COQ3: variants seen among roughly 807,000 people sequenced by gnomAD.
COQ3 encodes coenzyme Q3, methyltransferase, also known as ubiquinone biosynthesis O-methyltransferase, mitochondrial.
Under a neutral mutation model 33.1 loss-of-function variants are expected in COQ3, and 29 were observed. The ratio of observed to expected loss-of-function variants is 0.88; its 90% CI spans 0.65 to 1.19. COQ3 has a LOEUF of 1.19. Ranked by LOEUF, COQ3 falls within the 50% of genes most tolerant of loss-of-function variation. The pLI, the probability that COQ3 is intolerant of heterozygous loss-of-function variation, is 0.00. For missense variants in COQ3, 437 were observed against 430.7 expected, an observed-to-expected ratio of 1.01 and a Z score of -0.13; for synonymous variants, 173 against 157.8, an observed-to-expected ratio of 1.10 and a Z score of -0.72.
intron 1 of COQ3, among the ~76,000 whole-genome samples, chr6:99,384,572 C>A (rs1356327026): frequency 1.3e-5 from 2 of 152,100 alleles, no homozygotes; most frequent in African/African-American, 4.8e-5. Context: ...ATGCTCAATA[C>A]CCTTTACAGA....
At chr6:99,375,789 A>G (rs1774264424) in intron 5 of COQ3, 151 bp downstream of exon 5, 1 of 722,506 alleles carries the variant, frequency 1.4e-6, no homozygotes, top group Non-Finnish European at 2.3e-6. Flanking sequence ...TCTACAGCAG[A>G]GATGCTGTCC....
intron 3 of COQ3, among the ~76,000 whole-genome samples, chr6:99,378,210 T>C (rs1445401475): frequency 1.4e-5 from 2 of 145,098 alleles, no homozygotes; most frequent in African/African-American, 5.0e-5. Flanking sequence ...ATTATACTTA[T>C]ATTAAAATAA....
chr6:99,380,398 C>T (rs1774438606), intron 2 of COQ3, 57 bp from the exon 3 acceptor site: 2 of 1,530,838 alleles, frequency 1.3e-6, no homozygotes, highest in Non-Finnish European at 1.8e-6. Context: ...AAATGTTTAA[C>T]ATGGGATATT....
intron 6 of COQ3, 131 bp from the exon 7 acceptor site, chr6:99,369,951 A>G: frequency 1.6e-6 from 1 of 633,166 alleles, no homozygotes; most frequent in Non-Finnish European, 2.7e-6. Flanking sequence ...AAGAAAAAAA[A>G]AGGATTCCTA....
intron 1 of COQ3, among the ~76,000 whole-genome samples, chr6:99,388,445 G>T (rs2128473582): frequency 6.6e-6 from 1 of 150,614 alleles, no homozygotes; most frequent in South Asian, 2.1e-4. Context: ...ATAGTAAAAA[G>T]ATCAGTTCTC....
At chr6:99,372,418 G>A (rs1441435563) in intron 5 of COQ3, among the ~76,000 whole-genome samples, 3 of 151,906 alleles carry the variant, frequency 2.0e-5, no homozygotes, top group African/African-American at 7.2e-5. Context: ...GGACTATTCA[G>A]TGTGCCAGTT....
Position 99,376,193 on chromosome 6 carries a change from TA to T in COQ3, c.487-12del. On this transcript the variant is annotated splice_polypyrimidine_tract_variant and intron_variant, in intron 4 of 6. Transcript: ENST00000254759. ...AAGCCGCCCTAGAGGCTAATGGCAT[TA>T]AAAAAACTGTTACCCTCAGGAAGAA... is the stretch of plus-strand genomic sequence containing the variant. 1.2e-6 allele frequency: 2 copies of T among 1,608,476 alleles called. No homozygotes were observed. The highest frequency in any genetic ancestry group is 1.3e-5 in the African/African-American group (1 of 74,540).
rs146500620 is a variant in COQ3 at position 99,370,641 on chromosome 6, G to A, written c.889+787C>T. Among the ~76,000 whole-genome samples, 122 of 152,102 alleles carry A rather than the reference G, an allele frequency of 8.0e-4. 1 individual carries two copies. The highest frequency in any genetic ancestry group is 2.6e-3 in the Admixed American group (39 of 15,256). ...TGGGATTAGAGGCATGAGCCACTGC[G>A]TGCAGCCTTACTTTATTTTCAACAA... On this transcript the variant is annotated intron_variant, in intron 6 of 6. Transcript: ENST00000254759.
chr6:99,377,579 C>A, intron 3 of COQ3, 94 bp from the exon 4 acceptor site: 1 of 664,534 alleles, frequency 1.5e-6, no homozygotes, highest in South Asian at 2.4e-5. Flanking sequence ...ATATTAACCT[C>A]CATTTAAATA....
intron 6 of COQ3, among the ~76,000 whole-genome samples, chr6:99,370,682 T>A (rs917652935): frequency 1.3e-5 from 2 of 152,024 alleles, no homozygotes; most frequent in Admixed American, 1.3e-4. Context: ...CTCATAGAAA[T>A]CTTTAGAATT....
At position 99,394,188 on chromosome 6, in the gene COQ3, A is replaced by G. The variant is rs1196388178; in HGVS notation, c.-9T>C. 6.4e-7 allele frequency: 1 copy of G among 1,560,960 alleles called. No homozygotes were observed. The highest frequency in any genetic ancestry group is 8.7e-7 in the Non-Finnish European group (1 of 1,151,748). ...TTACGGCCACTCCACATCGCGACAA[A>G]CGATCCCACCTCTTTTCCGGTCCCT... On this transcript the variant is annotated 5_prime_UTR_variant, in exon 1 of 7. Coordinates refer to ENST00000254759, the MANE Select transcript of COQ3 (RefSeq NM_017421.4).
intron 1 of COQ3, among the ~76,000 whole-genome samples, chr6:99,385,893 C>G (rs894022391): frequency 5.4e-5 from 8 of 148,820 alleles, no homozygotes; most frequent in African/African-American, 2.0e-4. Context: ...AGAAGAATCG[C>G]TTGAACCTGG....
At chr6:99,386,749 G>A (rs1190289756) in intron 1 of COQ3, among the ~76,000 whole-genome samples, 1 of 152,008 alleles carries the variant, frequency 6.6e-6, no homozygotes, top group Non-Finnish European at 1.5e-5. Context: ...TTCATATAGA[G>A]AGCCTGAATA....
rs1774383835 is a variant in COQ3, at chr6:99,378,945, TTTC to T, written c.386+1241_386+1243del. 3.2e-5 allele frequency among the ~76,000 whole-genome samples: 4 copies of T among 126,356 alleles called. No individual in the cohort carries two copies. In the South Asian group the frequency reaches 1.3e-3, roughly 40 times the overall value. 82.9% of individuals were successfully genotyped at this position (126,356 alleles called of 152,430 possible). On this transcript the variant is annotated intron_variant, in intron 3 of 6. Coordinates refer to ENST00000254759, the MANE Select transcript of COQ3 (RefSeq NM_017421.4). ...GACAGAGGAACAAATGAACAATTTC[TTTC>T]TTTTTTTTTTTTTTACATTTTGCTT...
chr6:99,371,580 C>A lies in COQ3; in HGVS notation c.737G>T (p.Gly246Val), dbSNP rs1582712917. 4 of 1,591,076 alleles carry A rather than the reference C, an allele frequency of 2.5e-6. No homozygotes were observed. The highest frequency in any genetic ancestry group is 3.4e-6 in the Non-Finnish European group (4 of 1,169,048). ...GTTGATTGTAGTAATGAATAAAGAA[C>A]CACCGGGCTAAAAGAAATGAAATTA... is the stretch of plus-strand genomic sequence containing the variant. ...QCCCQVLKPGGSLFITTINKT... is the reference protein window; with the variant it reads ...QCCCQVLKPGVSLFITTINKT... Residue 246 changes from glycine (G) to valine (V), a missense_variant, in exon 6 of 7, where the codon GGT becomes GTT. Physicochemically the swap from Gly to Val is moderately radical, Grantham distance 109. Coordinates refer to ENST00000254759, the MANE Select transcript of COQ3 (RefSeq NM_017421.4).
chr6:99,392,264 C>A (rs1774852757), intron 1 of COQ3, among the ~76,000 whole-genome samples: 1 of 152,190 alleles, frequency 6.6e-6, no homozygotes, highest in African/African-American at 2.4e-5. Context: ...TTTTACCCTA[C>A]CAATACTTTA....
At chr6:99,378,095 G>T (rs1774346155) in intron 3 of COQ3, among the ~76,000 whole-genome samples, 2 of 94,588 alleles carry the variant, frequency 2.1e-5, no homozygotes, top group African/African-American at 4.2e-5. Flanking sequence ...TAACAGTATT[G>T]TAAACTAAAC....
chr6:99,380,412 T>A, intron 2 of COQ3, 71 bp from the exon 3 acceptor site: 1 of 1,465,762 alleles, frequency 6.8e-7, no homozygotes, highest in Non-Finnish European at 9.5e-7. Context: ...GGATATTATG[T>A]AGAAAGATAG....
At chr6:99,374,014 A>T (rs1204390070) in intron 5 of COQ3, among the ~76,000 whole-genome samples, 3 of 151,892 alleles carry the variant, frequency 2.0e-5, no homozygotes, top group African/African-American at 7.3e-5. Flanking sequence ...CAAGAAAAAC[A>T]GAGGAAACAC....
Sources: gnomAD v4.1 joint callset for allele counts (sites outside exome capture counted in the v4.1 genomes callset) on GRCh38, gnomAD v4.1.1 for gene constraint, MANE v1.5 for transcripts, NCBI Gene and HGNC (gene_info 2026-07-23, HGNC 2026-07-21) for gene names.